The following ZNF608 variants were observed in gnomAD, a reference collection of about 807,000 sequenced individuals.
The protein encoded by ZNF608 is renal carcinoma antigen NY-REN-36.
In ZNF608, 12 loss-of-function variants were observed where a neutral mutation model predicts 109.0. The ratio of observed to expected loss-of-function variants is 0.11; its 90% confidence interval spans 0.07 to 0.18. The LOEUF (loss-of-function observed/expected upper bound fraction) is 0.18, where lower values mean the gene tolerates loss of function less well. Ranked by LOEUF, ZNF608 falls within the 10% of genes least tolerant of loss-of-function variation. The pLI is 1.00. For missense variants in ZNF608, 1,707 were observed against 1,879.3 expected, an observed-to-expected ratio of 0.91 and a Z score of 1.70; for synonymous variants, 732 against 717.4, an observed-to-expected ratio of 1.02 and a Z score of -0.33.
intron 2 of ZNF608, among the ~76,000 whole-genome samples, chr5:124,733,742 G>A (rs545249977): frequency 6.6e-6 from 1 of 152,038 alleles, no homozygotes; most frequent in Non-Finnish European, 1.5e-5. Flanking sequence ...CAATCTGGCT[G>A]TTTTTTTCTA....
chr5:124,745,250 C>G (rs1040742682), intron 1 of ZNF608, 78 bp from the exon 2 acceptor site: 1 of 1,257,638 alleles, frequency 8.0e-7, no homozygotes, highest in African/African-American at 1.5e-5. Flanking sequence ...ATTGGGGAAT[C>G]AGTAAAGGGG....
chr5:124,644,569 T>C lies in ZNF608; in HGVS notation c.3798A>G (p.Leu1266=), dbSNP rs1480876464. 1 of 1,613,924 alleles carries C rather than the reference T, an allele frequency of 6.2e-7. No individual in the cohort carries two copies. The highest frequency in any genetic ancestry group is 1.3e-5 in the African/African-American group (1 of 74,908). ...GAGTTTTCCTCGGACTATCCTCTTT[T>C]AATTTCTTCTCTCTATCAAGTTCTT... The part of the protein sequence containing the change: ...KSEELDREKK[L]KEDSPRKTPN... The change falls in exon 6 of 10, where the codon TTA becomes TTG. Residue 1266 remains leucine, a synonymous_variant. Transcript: ENST00000513986.
At chr5:124,682,338 G>T (rs1752232445) in intron 3 of ZNF608, among the ~76,000 whole-genome samples, 1 of 152,248 alleles carries the variant, frequency 6.6e-6, no homozygotes, top group African/African-American at 2.4e-5. Context: ...CTCCCAAAGT[G>T]CTGGGATTAC....
chr5:124,683,590 G>A (rs1209443730), intron 3 of ZNF608, among the ~76,000 whole-genome samples: 1 of 152,200 alleles, frequency 6.6e-6, no homozygotes, highest in African/African-American at 2.4e-5. Context: ...TTAGTGAGTT[G>A]CTTCCGGAAA....
At chr5:124,663,339 A>G (rs1751353423) in intron 3 of ZNF608, among the ~76,000 whole-genome samples, 1 of 152,234 alleles carries the variant, frequency 6.6e-6, no homozygotes, top group Non-Finnish European at 1.5e-5. Context: ...GTGGCCGTAG[A>G]AGGTACACAC....
intron 2 of ZNF608, among the ~76,000 whole-genome samples, chr5:124,723,966 C>A (rs1754037506): frequency 6.6e-6 from 1 of 151,510 alleles, no homozygotes. Flanking sequence ...ATGAAAAATG[C>A]AAATTAAAAT....
chr5:124,640,286 G>C (rs1279486750), intron 8 of ZNF608, among the ~76,000 whole-genome samples: 1 of 152,188 alleles, frequency 6.6e-6, no homozygotes, highest in Non-Finnish European at 1.5e-5. Flanking sequence ...AATGTGATTA[G>C]ATTTGGAGAT....
At chr5:124,712,567 G>T (rs1009177185) in intron 2 of ZNF608, among the ~76,000 whole-genome samples, 1 of 152,140 alleles carries the variant, frequency 6.6e-6, no homozygotes, top group Non-Finnish European at 1.5e-5. Context: ...AACCTGGAAA[G>T]TGGGGTGACT....
At chr5:124,734,899 T>C (rs1223022686) in intron 2 of ZNF608, 1 of 152,204 alleles carries the variant, frequency 6.6e-6, no homozygotes, top group East Asian at 1.9e-4. Flanking sequence ...ATTTTAGAAA[T>C]ACTACAAAAT....
rs116823974 is a variant in ZNF608 at position 124,674,484 on chromosome 5, T to C, written c.1163-24787A>G. Among the ~76,000 whole-genome samples the C allele has an allele frequency of 3.5e-3, 527 of 152,334 alleles. 3 individuals carry two copies. Among genetic ancestry groups the C allele is most frequent in the Middle Eastern group, 0.01 (3 of 294 alleles). On this transcript the variant is annotated intron_variant, in intron 3 of 9. Transcript: ENST00000513986. ...AGTTCTCACTGCTCATCAGAATAAC[T>C]TGTAGGAAGTTACAAACTAACTCAT...
chr5:124,738,843 T>G (rs1035294835), intron 2 of ZNF608, among the ~76,000 whole-genome samples: 29 of 152,138 alleles, frequency 1.9e-4, no homozygotes, highest in African/African-American at 6.0e-4. Context: ...CAATTCAACG[T>G]GCAGCTCTCC....
intron 3 of ZNF608, among the ~76,000 whole-genome samples, chr5:124,679,969 T>A (rs2149823577): frequency 6.6e-6 from 1 of 152,298 alleles, no homozygotes; most frequent in East Asian, 1.9e-4. Context: ...GAACAGCTCA[T>A]GTTGATAAGT....
In ZNF608 at chr5:124,644,290, A is replaced by G; in HGVS notation, c.4077T>C (p.His1359=). ...CGGGAGAAACAGCCCGGTATGCAGG[A>G]TGGCTGGGGTCGTACATCTGTGGGT... ...YPYPQMYDPS[H]PAYRAVSPVL... The change falls in exon 6 of 10, where the codon CAT becomes CAC. Residue 1359 remains histidine (H), a synonymous_variant. Transcript: ENST00000513986. The G allele has an allele frequency of 6.2e-7, 1 of 1,613,552 alleles. No individual in the cohort carries two copies.
upstream of ZNF608, chr5:124,748,693 C>T (rs1432780615): frequency 3.3e-6 from 2 of 608,342 alleles, no homozygotes; most frequent in Non-Finnish European, 4.1e-6. Flanking sequence ...TTTATAAAAG[C>T]AAAAATTAAA....
chr5:124,700,307 T>C (rs1013007144), intron 3 of ZNF608, among the ~76,000 whole-genome samples: 1 of 152,250 alleles, frequency 6.6e-6, no homozygotes, highest in Admixed American at 6.5e-5. Flanking sequence ...TGGTCAACCA[T>C]GATTTGGATC....
intron 3 of ZNF608, among the ~76,000 whole-genome samples, chr5:124,658,792 C>T (rs990037764): frequency 6.6e-6 from 1 of 152,134 alleles, no homozygotes; most frequent in African/African-American, 2.4e-5. Flanking sequence ...GTCTCACAAG[C>T]TTGTATCATT....
chr5:124,694,959 T>C (rs1339449461), intron 3 of ZNF608, among the ~76,000 whole-genome samples: 2 of 152,160 alleles, frequency 1.3e-5, no homozygotes, highest in Non-Finnish European at 2.9e-5. Flanking sequence ...TAACTAGTAG[T>C]TCTTCCAGCC....
At chr5:124,677,195 C>T (rs1751981494) in intron 3 of ZNF608, among the ~76,000 whole-genome samples, 1 of 152,224 alleles carries the variant, frequency 6.6e-6, no homozygotes, top group African/African-American at 2.4e-5. Flanking sequence ...CTATAAATTC[C>T]TTTTCTTAAG....
intron 7 of ZNF608, among the ~76,000 whole-genome samples, chr5:124,642,097 T>C (rs1053996068): frequency 2.0e-5 from 3 of 152,204 alleles, no homozygotes; most frequent in African/African-American, 7.2e-5. Context: ...CAGAAAAAGA[T>C]TCAGAAATCC....
Sources: allele counts gnomAD v4.1 joint callset (sites outside exome capture counted in the v4.1 genomes callset), GRCh38; gene constraint gnomAD v4.1.1; transcripts MANE v1.5; gene names NCBI Gene and HGNC (gene_info 2026-07-23, HGNC 2026-07-21).